Variants in RNF185 observed in about 807,000 individuals in gnomAD.
RNF185 encodes the protein ring finger protein 185, also known as E3 ubiquitin-protein ligase RNF185.
A neutral mutation model predicts 24.9 loss-of-function variants in RNF185; 13 were observed. The ratio of observed to expected loss-of-function variants is 0.52; its 90% confidence interval spans 0.34 to 0.83. The LOEUF (loss-of-function observed/expected upper bound fraction) is 0.83. Ranked by LOEUF, RNF185 falls within the 40% of genes least tolerant of loss-of-function variation. RNF185 has a pLI of 0.01. For missense variants in RNF185, 184 were observed against 244.7 expected (o/e 0.75, Z 1.65); for synonymous variants, 79 against 90.3 (o/e 0.88, Z 0.71).
chr22:31,180,501 T>C (rs1253368715), intron 1 of RNF185, among the ~76,000 whole-genome samples: 2 of 150,762 alleles, frequency 1.3e-5, no homozygotes, highest in Admixed American at 6.7e-5. Flanking sequence ...CAGTTGAGTA[T>C]GTTCTTCCAC....
chr22:31,166,896 C>A (rs1024830174), intron 1 of RNF185, among the ~76,000 whole-genome samples: 1 of 152,130 alleles, frequency 6.6e-6, no homozygotes, highest in Admixed American at 6.6e-5. Flanking sequence ...ACGATCCACC[C>A]ACCTCAGCCT....
intron 1 of RNF185, among the ~76,000 whole-genome samples, chr22:31,172,279 G>A (rs563473961): frequency 2.9e-3 from 439 of 152,244 alleles, no homozygotes; most frequent in African/African-American, 0.01. Flanking sequence ...CTTGAGGTCA[G>A]GAGTTCGAGA....
chr22:31,191,847 A>AAG (rs11414139), intron 2 of RNF185, among the ~76,000 whole-genome samples: 2 of 150,974 alleles, frequency 1.3e-5, no homozygotes, highest in Non-Finnish European at 3.0e-5. Flanking sequence ...AAAAAAAAAA[A>AAG]GTGGAGTTGA....
chr22:31,185,172 C>T (rs1245941912), intron 1 of RNF185, among the ~76,000 whole-genome samples: 3 of 151,996 alleles, frequency 2.0e-5, no homozygotes, highest in African/African-American at 7.2e-5. Flanking sequence ...GCGCACGAAA[C>T]TGGTGCCACC....
chr22:31,174,151 AT>A (rs1435336118), intron 1 of RNF185, among the ~76,000 whole-genome samples: 2 of 152,332 alleles, frequency 1.3e-5, no homozygotes, highest in South Asian at 2.1e-4. Flanking sequence ...TATTAGCCTC[AT>A]TTTAGCAAAT....
chr22:31,187,562 A>T (rs544852552), intron 2 of RNF185, among the ~76,000 whole-genome samples: 1 of 152,216 alleles, frequency 6.6e-6, no homozygotes, highest in African/African-American at 2.4e-5. Flanking sequence ...GCAGTATAGC[A>T]TAATGGTTAT....
chr22:31,182,428 T>A (rs1279177719), intron 1 of RNF185, among the ~76,000 whole-genome samples: 1 of 151,828 alleles, frequency 6.6e-6, no homozygotes, highest in Non-Finnish European at 1.5e-5. Context: ...GCTGGGACCA[T>A]AGACATGCAC....
intron 1 of RNF185, among the ~76,000 whole-genome samples, chr22:31,184,402 G>A (rs1372190406): frequency 1.3e-5 from 2 of 151,924 alleles, no homozygotes; most frequent in Admixed American, 6.6e-5. Flanking sequence ...CGGGATGACC[G>A]CCGGGGAGAG....
intron 2 of RNF185, among the ~76,000 whole-genome samples, chr22:31,191,239 G>T (rs2048153241): frequency 6.6e-6 from 1 of 152,160 alleles, no homozygotes; most frequent in South Asian, 2.1e-4. Flanking sequence ...GAGTCTTTAA[G>T]GGAACTTGCC....
intron 3 of RNF185, among the ~76,000 whole-genome samples, chr22:31,194,695 T>G (rs947046928): frequency 6.6e-6 from 1 of 151,586 alleles, no homozygotes; most frequent in Admixed American, 6.6e-5. Context: ...GCCACTACAC[T>G]CCAGCCTGGG....
chr22:31,164,675 C>T (rs944690337), intron 1 of RNF185, among the ~76,000 whole-genome samples: 2 of 151,654 alleles, frequency 1.3e-5, no homozygotes, highest in South Asian at 2.1e-4. Flanking sequence ...TGCAACCCCC[C>T]TCCCGGGTTC....
Position 31,183,324 on chromosome 22 carries a change from G to A in RNF185, c.-48-3723G>A, listed in dbSNP as rs529454171. Among the ~76,000 whole-genome samples, 9 of 152,182 alleles carry A rather than the reference G, an allele frequency of 5.9e-5. No individual in the cohort carries two copies. In the South Asian group the frequency reaches 1.7e-3, roughly 28 times the overall value. ...TGTTGCATCACATCAGGAGGCTGAT[G>A]TGACTGATCTGACTTTATGGTTGTC... is the stretch of plus-strand genomic sequence containing the variant. On this transcript the variant is annotated intron_variant, in intron 1 of 6. Coordinates refer to ENST00000326132, the MANE Select transcript of RNF185 (RefSeq NM_152267.4).
intron 1 of RNF185, among the ~76,000 whole-genome samples, chr22:31,181,796 A>G (rs1487600568): frequency 1.3e-5 from 2 of 151,140 alleles, no homozygotes; most frequent in Non-Finnish European, 2.9e-5. Context: ...TAGGTGGGAA[A>G]TGAACAACGA....
rs773220518 is a variant in RNF185 at position 31,204,544 on chromosome 22, A to G, written c.537A>G (p.Leu179=). 29 of 1,607,224 alleles carry G rather than the reference A, an allele frequency of 1.8e-5. 1 individual carries two copies. The highest frequency in any genetic ancestry group is 5.0e-5 in the Admixed American group (3 of 59,958). The part of the protein sequence containing the change: ...VDEQFLSRLF[L]FVALVIMFWL... ...AGCAGTTCCTGTCACGCCTCTTCCT[A>G]TTTGTGGCCCTGGTGATCATGTTCT... Residue 179 remains leucine, a synonymous_variant, in exon 7 of 7, where the codon CTA becomes CTG. Coordinates refer to ENST00000326132, the MANE Select transcript of RNF185 (RefSeq NM_152267.4).
At chr22:31,189,914 A>G (rs1472991754) in intron 2 of RNF185, among the ~76,000 whole-genome samples, 1 of 152,098 alleles carries the variant, frequency 6.6e-6, no homozygotes, top group African/African-American at 2.4e-5. Context: ...TTTTAAAGGC[A>G]GAATGCCATT....
rs760527685 is a variant in RNF185, at chr22:31,187,172, C to T, written c.78C>T (p.Gly26=). The T allele has an allele frequency of 1.2e-5, 20 of 1,613,748 alleles. No homozygotes were observed. The highest frequency in any genetic ancestry group is 3.3e-5 in the Admixed American group (2 of 59,940). Residue 26 remains glycine (G), a synonymous_variant, in exon 2 of 7, where the codon GGC becomes GGT. Transcript: ENST00000326132. ...GGGGGCCCAGTGGGAGCAGCAATGGCGCTGGCGAGAGCGGAGGGCAGGACA... is the reference window on the plus strand; with the variant it reads ...GGGGGCCCAGTGGGAGCAGCAATGGTGCTGGCGAGAGCGGAGGGCAGGACA... The part of the protein sequence containing the change: ...SAGGPSGSSN[G]AGESGGQDST...
intron 2 of RNF185, among the ~76,000 whole-genome samples, chr22:31,189,449 G>A (rs1188999145): frequency 2.0e-5 from 3 of 149,222 alleles, no homozygotes; most frequent in African/African-American, 4.9e-5. Context: ...GCACCACCAC[G>A]CCCGGCTAAT....
At chr22:31,167,613 T>TC (rs1924010120) in intron 1 of RNF185, among the ~76,000 whole-genome samples, 1 of 143,036 alleles carries the variant, frequency 7.0e-6, no homozygotes, top group Admixed American at 7.0e-5. Flanking sequence ...TTTTTTCCTT[T>TC]TTTTTTTTTT....
chr22:31,184,023 C>CT (rs540992779), intron 1 of RNF185, among the ~76,000 whole-genome samples: 26 of 149,702 alleles, frequency 1.7e-4, no homozygotes, highest in African/African-American at 6.4e-4. Context: ...GCTGCCCCCC[C>CT]CCACCTCCCG....
Sources: gnomAD v4.1 joint callset for allele counts (sites outside exome capture counted in the v4.1 genomes callset) on GRCh38, gnomAD v4.1.1 for gene constraint, MANE v1.5 for transcripts, NCBI Gene and HGNC (gene_info 2026-07-23, HGNC 2026-07-21) for gene names.